The following SLC9A9 variants were observed in gnomAD, a reference collection of about 807,000 sequenced individuals.
SLC9A9 encodes solute carrier family 9 member A9.
Under a neutral mutation model 77.8 loss-of-function variants are expected in SLC9A9, and 62 were observed. That is an observed-to-expected ratio of 0.80 (90% confidence interval 0.65 to 0.98). SLC9A9 has a LOEUF of 0.98. Ranked by LOEUF, SLC9A9 falls within the 50% of genes least tolerant of loss-of-function variation. SLC9A9 has a pLI of 0.00. For missense variants in SLC9A9, 775 were observed against 774.9 expected (o/e 1.00, Z 0.00); for synonymous variants, 320 against 283.5 (o/e 1.13, Z -1.29).
At chr3:143,595,998 T>G (rs2037745775) in intron 6 of SLC9A9, among the ~76,000 whole-genome samples, 1 of 152,170 alleles carries the variant, frequency 6.6e-6, no homozygotes, top group Non-Finnish European at 1.5e-5. Context: ...GTTTCAGTCA[T>G]TTTTCTGGAC....
intron 12 of SLC9A9, among the ~76,000 whole-genome samples, chr3:143,406,804 T>C (rs1456114018): frequency 3.3e-5 from 5 of 151,612 alleles, no homozygotes; most frequent in Non-Finnish European, 5.9e-5. Context: ...GGCAAAACCC[T>C]GTCTCTACTA....
At chr3:143,540,824 A>G (rs373993622) in intron 9 of SLC9A9, among the ~76,000 whole-genome samples, 2 of 152,240 alleles carry the variant, frequency 1.3e-5, no homozygotes, top group East Asian at 3.8e-4. Context: ...AATAACTTAT[A>G]TGAAACATAT....
chr3:143,828,455 A>T (rs2009354952), intron 2 of SLC9A9, among the ~76,000 whole-genome samples: 1 of 152,186 alleles, frequency 6.6e-6, no homozygotes. Context: ...ATGGACAATA[A>T]GCAATGTAAG....
chr3:143,497,497 C>A (rs1185735517), intron 9 of SLC9A9, among the ~76,000 whole-genome samples: 1 of 152,114 alleles, frequency 6.6e-6, no homozygotes, highest in East Asian at 1.9e-4. Context: ...AAGTTTAATG[C>A]AGGGAATGCT....
Position 143,672,524 on chromosome 3 carries a change from A to T in SLC9A9, c.650-20164T>A, listed in dbSNP as rs543745390. ...CTTTCTCCGGTGTTAGAAAAATTAA[A>T]TATTTAAACCTGGAGTTCCACGATG... On this transcript the variant is annotated intron_variant, in intron 5 of 15. Transcript: ENST00000316549. Among the ~76,000 whole-genome samples the T allele has an allele frequency of 9.4e-4, 143 of 152,338 alleles. 1 individual carries two copies. The highest frequency in any genetic ancestry group is 3.4e-3 in the African/African-American group (140 of 41,578).
chr3:143,693,083 GA>G, intron 5 of SLC9A9, 108 bp downstream of exon 5: 1 of 837,962 alleles, frequency 1.2e-6, no homozygotes, highest in Non-Finnish European at 1.9e-6. Context: ...TGCAGGTGAA[GA>G]AAAATAGAAA....
chr3:143,319,892 A>G (rs981011436), intron 14 of SLC9A9, among the ~76,000 whole-genome samples: 2 of 152,086 alleles, frequency 1.3e-5, no homozygotes, highest in Non-Finnish European at 2.9e-5. Flanking sequence ...TTGTGTTTCT[A>G]TTTTCCTGTC....
chr3:143,695,952 C>A (rs576854087), intron 4 of SLC9A9, among the ~76,000 whole-genome samples: 43 of 152,148 alleles, frequency 2.8e-4, no homozygotes, highest in African/African-American at 1.0e-3. Flanking sequence ...TAAATGTCTT[C>A]TTTTGAGAAG....
At chr3:143,743,241 G>GATAGATA (rs1935119582) in intron 4 of SLC9A9, among the ~76,000 whole-genome samples, 29 of 133,678 alleles carry the variant, frequency 2.2e-4, no homozygotes, top group East Asian at 4.3e-4. Context: ...ATGGATGGAT[G>GATAGATA]GATAGATAGA....
chr3:143,300,917 A>G (rs2030490742), intron 14 of SLC9A9, among the ~76,000 whole-genome samples: 1 of 152,216 alleles, frequency 6.6e-6, no homozygotes, highest in South Asian at 2.1e-4. Flanking sequence ...GCACTGAACT[A>G]TGGCCAAAAT....
intron 4 of SLC9A9, among the ~76,000 whole-genome samples, chr3:143,737,324 T>C (rs1222452003): frequency 1.3e-5 from 2 of 152,214 alleles, no homozygotes; most frequent in Non-Finnish European, 2.9e-5. Flanking sequence ...CATTTGCCTT[T>C]TCCATTTTTT....
chr3:143,440,029 T>C (rs1218084071), intron 12 of SLC9A9, among the ~76,000 whole-genome samples: 1 of 152,228 alleles, frequency 6.6e-6, no homozygotes, highest in Admixed American at 6.5e-5. Flanking sequence ...AATTAACCAA[T>C]GCATACTACA....
At chr3:143,608,641 G>A (rs1427015840) in intron 6 of SLC9A9, among the ~76,000 whole-genome samples, 1 of 152,016 alleles carries the variant, frequency 6.6e-6, no homozygotes, top group Non-Finnish European at 1.5e-5. Flanking sequence ...CAATGTAATT[G>A]AAACATATAA....
At chr3:143,285,531 T>C (rs1938359723) in intron 14 of SLC9A9, among the ~76,000 whole-genome samples, 1 of 152,194 alleles carries the variant, frequency 6.6e-6, no homozygotes, top group African/African-American at 2.4e-5. Context: ...ATGCCCCCTC[T>C]TTAACTCTGG....
At chr3:143,496,069 A>T (rs2035829464) in intron 9 of SLC9A9, among the ~76,000 whole-genome samples, 1 of 152,216 alleles carries the variant, frequency 6.6e-6, no homozygotes, top group South Asian at 2.1e-4. Flanking sequence ...TACAATTTCT[A>T]GCTGCTAAAA....
intron 9 of SLC9A9, among the ~76,000 whole-genome samples, chr3:143,522,279 A>C (rs921049368): frequency 6.6e-6 from 1 of 152,214 alleles, no homozygotes; most frequent in Non-Finnish European, 1.5e-5. Context: ...TATCCCAAAA[A>C]TCAGACTTGA....
chr3:143,548,626 T>C (rs1050434467), intron 9 of SLC9A9, among the ~76,000 whole-genome samples: 4 of 152,220 alleles, frequency 2.6e-5, no homozygotes, highest in Non-Finnish European at 4.4e-5. Context: ...ATACAAATCC[T>C]TATGTTGCGT....
Position 143,662,354 on chromosome 3 carries a change from G to A in SLC9A9, c.650-9994C>T, listed in dbSNP as rs553351253. Among the ~76,000 whole-genome samples, 4 of 152,338 alleles carry A rather than the reference G, an allele frequency of 2.6e-5. No homozygotes were observed. In the East Asian group the frequency reaches 7.7e-4, roughly 29 times the overall value. ...AGATCGTTTCAAGATGGCCGAATAGGAATGGCTCCAGTCTACAGCTCCCAG... is the reference window on the plus strand; with the variant it reads ...AGATCGTTTCAAGATGGCCGAATAGAAATGGCTCCAGTCTACAGCTCCCAG... On this transcript the variant is annotated intron_variant, in intron 5 of 15. Coordinates refer to ENST00000316549, the MANE Select transcript of SLC9A9 (RefSeq NM_173653.4).
intron 6 of SLC9A9, among the ~76,000 whole-genome samples, chr3:143,635,122 G>A (rs1170702092): frequency 6.6e-6 from 1 of 152,158 alleles, no homozygotes; most frequent in African/African-American, 2.4e-5. Flanking sequence ...GGTATCAGCT[G>A]GGGCAGCTTG....
Sources: allele counts gnomAD v4.1 joint callset (sites outside exome capture counted in the v4.1 genomes callset), GRCh38; gene constraint gnomAD v4.1.1; transcripts MANE v1.5; gene names NCBI Gene and HGNC (gene_info 2026-07-23, HGNC 2026-07-21).